Variants in MTMR14 observed in about 807,000 individuals in gnomAD.
MTMR14 encodes phosphatidylinositol-3,5-bisphosphate 3-phosphatase MTMR14.
A neutral mutation model predicts 86.3 loss-of-function variants in MTMR14; 48 were observed. The observed-to-expected ratio is 0.56, with a 90% CI of 0.44 to 0.71. The LOEUF (loss-of-function observed/expected upper bound fraction) is 0.71, where lower values mean the gene tolerates loss of function less well. Among genes scored for constraint, MTMR14 ranks in the 30% least tolerant of loss-of-function variants. MTMR14 has a pLI of 0.00. For synonymous variants in MTMR14, 366 were observed against 326.1 expected, an observed-to-expected ratio of 1.12 and a Z score of -1.32; for missense variants, 780 against 834.6, an observed-to-expected ratio of 0.93 and a Z score of 0.81.
chr3:9,672,786 A>T, intron 7 of MTMR14, 28 bp downstream of exon 7: 2 of 1,607,110 alleles, frequency 1.2e-6, no homozygotes, highest in African/African-American at 1.3e-5. Flanking sequence ...AGTGGCAGGC[A>T]TCCTAGGACT....
At chr3:9,671,212 G>A (rs371580233) in intron 6 of MTMR14, 42 bp downstream of exon 6, 20 of 1,613,554 alleles carry the variant, frequency 1.2e-5, no homozygotes, top group Admixed American at 1.7e-5. Flanking sequence ...GAGGCAGTGT[G>A]TACAGATTTG....
chr3:9,688,434 A>G (rs1157115550), intron 14 of MTMR14, among the ~76,000 whole-genome samples: 1 of 152,226 alleles, frequency 6.6e-6, no homozygotes, highest in African/African-American at 2.4e-5. Flanking sequence ...GTTGGGCCAC[A>G]CTTGAACGCT....
At chr3:9,689,819 T>G in intron 16 of MTMR14, 145 bp from the exon 17 acceptor site, 2 of 773,162 alleles carry the variant, frequency 2.6e-6, no homozygotes, top group Non-Finnish European at 4.2e-6. Context: ...CCCATGGCCC[T>G]GAGCTGGAGA....
At chr3:9,663,634 C>T (rs951011712) in intron 3 of MTMR14, among the ~76,000 whole-genome samples, 12 of 150,826 alleles carry the variant, frequency 8.0e-5, no homozygotes, top group African/African-American at 2.7e-4. Context: ...CTGCCTTAGC[C>T]TCCCGAGTAG....
At chr3:9,680,512 T>C (rs1430285553) in intron 9 of MTMR14, among the ~76,000 whole-genome samples, 1 of 152,238 alleles carries the variant, frequency 6.6e-6, no homozygotes, top group East Asian at 1.9e-4. Context: ...CCCAGCTCCA[T>C]GCAGTCTGGT....
rs1264233590 is a variant in MTMR14 at position 9,688,744 on chromosome 3, C to A, written c.1284C>A (p.Ile428=). The change falls in exon 15 of 19, where the codon ATC becomes ATA. Residue 428 remains isoleucine, a synonymous_variant. Transcript: ENST00000296003. ...ATGGAGGCTTCACCCTGGAAGACAT[C>A]TGCATGCTGAGTGAGTCCTGGGCCC... is the stretch of plus-strand genomic sequence containing the variant. ...ARDGGFTLED[I]CMLRRKDRGS... is the part of the protein sequence containing the mutation. 1.2e-6 allele frequency: 2 copies of A among 1,614,170 alleles called. No homozygotes were observed. Among genetic ancestry groups the A allele is most frequent in the South Asian group, 2.2e-5 (2 of 91,082 alleles).
chr3:9,684,704 C>T (rs371856924), intron 11 of MTMR14, 34 bp downstream of exon 11: 1 of 1,610,816 alleles, frequency 6.2e-7, no homozygotes, highest in East Asian at 2.2e-5. Context: ...AAGCTCTGCT[C>T]TTTGGGTGTG....
At chr3:9,678,124 C>A (rs991435306) in intron 9 of MTMR14, 66 bp downstream of exon 9, 1 of 1,537,206 alleles carries the variant, frequency 6.5e-7, no homozygotes, top group Non-Finnish European at 9.0e-7. Context: ...ACTCTTGATG[C>A]CTGCCCCACA....
At position 9,677,877 on chromosome 3, in the gene MTMR14, G is replaced by T. The variant is rs1237634567; in HGVS notation, c.823-107G>T. Reference sequence around the variant, plus strand: ...AGCACAGGTATCTGGCCCAGAGAAGGCAAGCACTGCCTGTGGTAGTCACAG... The same window carrying T: ...AGCACAGGTATCTGGCCCAGAGAAGTCAAGCACTGCCTGTGGTAGTCACAG... On this transcript the variant is annotated intron_variant, in intron 8 of 18. Coordinates refer to ENST00000296003, the MANE Select transcript of MTMR14 (RefSeq NM_001077525.3). This position sits in a 1 kb window ranked among gnomAD's most constrained non-coding sequence, Gnocchi z 4.2. 9 of 955,348 alleles carry T rather than the reference G, an allele frequency of 9.4e-6. No homozygotes were observed. The highest frequency in any genetic ancestry group is 3.0e-5 in the South Asian group (2 of 66,514). 59.2% of individuals were successfully genotyped at this position (955,348 alleles called of 1,614,324 possible). A position where few individuals can be genotyped will look rare whatever the true frequency, so the allele number is the denominator to read the frequency against.
At chr3:9,669,587 C>G (rs2125118292) in intron 5 of MTMR14, 95 bp downstream of exon 5, 1 of 1,336,160 alleles carries the variant, frequency 7.5e-7, no homozygotes, top group African/African-American at 1.5e-5. Context: ...GTATTTGTCA[C>G]TGGTTCAGGT....
chr3:9,672,562 TA>T, intron 6 of MTMR14, 122 bp from the exon 7 acceptor site: 1 of 867,304 alleles, frequency 1.2e-6, no homozygotes, highest in Non-Finnish European at 1.9e-6. Flanking sequence ...AGGGAATTAT[TA>T]ACAATGAAGA....
At chr3:9,669,732 A>T (rs1313408088) in intron 5 of MTMR14, among the ~76,000 whole-genome samples, 3 of 152,182 alleles carry the variant, frequency 2.0e-5, no homozygotes, top group African/African-American at 7.2e-5. Context: ...TTCACAGAGA[A>T]CATCCCACTC....
At chr3:9,656,094 C>G (rs1189993634) in intron 2 of MTMR14, among the ~76,000 whole-genome samples, 1 of 151,998 alleles carries the variant, frequency 6.6e-6, no homozygotes, top group Non-Finnish European at 1.5e-5. Flanking sequence ...ACTCGGGAGG[C>G]TGAGGCAGGA....
In MTMR14 at chr3:9,677,854, C is replaced by G; in HGVS notation, c.823-130C>G. On this transcript the variant is annotated intron_variant, in intron 8 of 18. Transcript: ENST00000296003. This position sits in a 1 kb window ranked among gnomAD's most constrained non-coding sequence, Gnocchi z 4.2. ...TTTTTAAGCTGTCACTCCCAGGTAG[C>G]ACAGGTATCTGGCCCAGAGAAGGCA... The G allele has an allele frequency of 2.7e-6, 2 of 736,800 alleles. No individual in the cohort carries two copies. The highest frequency in any genetic ancestry group is 3.4e-5 in the South Asian group (2 of 58,212). The allele number at this position is 736,800 out of a possible 1,614,324, so 45.6% of individuals were successfully genotyped here. A position where few individuals can be genotyped will look rare whatever the true frequency, so the allele number is the denominator to read the frequency against.
chr3:9,649,520 A>AGTTG lies in MTMR14; in HGVS notation c.-62_-59dup. 1 of 1,489,508 alleles carries AGTTG rather than the reference A, an allele frequency of 6.7e-7. No individual in the cohort carries two copies. Among genetic ancestry groups the AGTTG allele is most frequent in the Non-Finnish European group, 8.9e-7 (1 of 1,123,018 alleles). The allele number at this position is 1,489,508 out of a possible 1,614,324, so 92.3% of individuals were successfully genotyped here. On this transcript the variant is annotated 5_prime_UTR_variant, in exon 1 of 19. Coordinates refer to ENST00000296003, the MANE Select transcript of MTMR14 (RefSeq NM_001077525.3). ...GCGGTTCCGGAGGTTCTAGTGTCGG[A>AGTTG]GTTGGGTGCAGGCAGGTGCCATGGG...
At chr3:9,680,240 C>T (rs1035633849) in intron 9 of MTMR14, among the ~76,000 whole-genome samples, 9 of 152,164 alleles carry the variant, frequency 5.9e-5, no homozygotes, top group East Asian at 1.9e-4. Flanking sequence ...CAGCTCCCAT[C>T]GGTTCTCTAG....
intron 10 of MTMR14, chr3:9,683,485 A>T: frequency 1.9e-6 from 1 of 517,494 alleles, no homozygotes; most frequent in Non-Finnish European, 3.5e-6. Flanking sequence ...TGCCGTGCAC[A>T]GGGTATTTTC....
At chr3:9,651,361 C>G (rs60215699) in intron 1 of MTMR14, among the ~76,000 whole-genome samples, 4,288 of 152,242 alleles carry the variant, frequency 0.028, 118 homozygotes, top group African/African-American at 0.075. Context: ...CCTCAGCCCC[C>G]CAAAATGCTG....
At chr3:9,652,994 G>A (rs927785829) in intron 1 of MTMR14, among the ~76,000 whole-genome samples, 3 of 152,078 alleles carry the variant, frequency 2.0e-5, no homozygotes, top group Middle Eastern at 3.4e-3. Flanking sequence ...CCCAGCACTT[G>A]GGGAGGCCGA....
Sources: gnomAD v4.1 joint callset for allele counts (sites outside exome capture counted in the v4.1 genomes callset) on GRCh38, gnomAD v4.1.1 for gene constraint, Gnocchi (gnomAD v3.1) non-coding constraint, MANE v1.5 for transcripts, NCBI Gene and HGNC (gene_info 2026-07-23, HGNC 2026-07-21) for gene names.